Variants in GRK1 observed in about 807,000 individuals in gnomAD.
GRK1 encodes rhodopsin kinase GRK1.
In GRK1, 28 loss-of-function variants were observed where a neutral mutation model predicts 41.7. That is an observed-to-expected ratio of 0.67 (90% CI 0.50 to 0.92). The LOEUF (loss-of-function observed/expected upper bound fraction) is 0.92. Ranked by LOEUF, GRK1 falls within the 40% of genes least tolerant of loss-of-function variation. The pLI, the probability that GRK1 is intolerant of heterozygous loss-of-function variation, is 0.00. For missense variants in GRK1, 703 were observed against 671.2 expected (o/e 1.05, Z -0.52); for synonymous variants, 327 against 286.7 (o/e 1.14, Z -1.42).
Position 113,731,333 on chromosome 13 carries a change from G to A in GRK1, c.1184G>A (p.Arg395His), listed in dbSNP as rs201174276. ...GCGGCCAGAGGACCCTTCCGAGCCC[G>A]TGGAGAGAAGGTAGGAGGCGGCCGG... The part of the protein sequence containing the change: ...MIAARGPFRA[R>H]GEKVENKELK... The change falls in exon 5 of 7, where the codon CGT (arginine) becomes CAT (histidine). Residue 395 changes from arginine to histidine, a missense_variant. Physicochemically the swap from Arg to His is conservative, Grantham distance 29 (BLOSUM62 0). Coordinates refer to ENST00000335678, the MANE Select transcript of GRK1 (RefSeq NM_002929.3). The surrounding 1 kb of genome is among the most constrained non-coding windows in gnomAD (Gnocchi z 5.6). 216 of 1,536,890 alleles carry A rather than the reference G, an allele frequency of 1.4e-4. No individual in the cohort carries two copies. The highest frequency in any genetic ancestry group is 1.2e-3 in the East Asian group (51 of 40,912).
At position 113,735,377 on chromosome 13, in the gene GRK1, G is replaced by A; in HGVS notation, c.*14G>A. ...CTGGTTTCCTAGGTGACGCCCCAGA[G>A]TCCACGTGGAGGAAAAGGACCCATA... On this transcript the variant is annotated 3_prime_UTR_variant, in exon 7 of 7. Transcript: ENST00000335678. 1 of 1,474,864 alleles carries A rather than the reference G, an allele frequency of 6.8e-7. No homozygotes were observed. The allele number at this position is 1,474,864 out of a possible 1,614,324, so 91.4% of individuals were successfully genotyped here. A position where few individuals can be genotyped will look rare whatever the true frequency, so the allele number is the denominator to read the frequency against.
intron 4 of GRK1, among the ~76,000 whole-genome samples, chr13:113,727,637 A>T (rs539760821): frequency 4.8e-4 from 70 of 146,584 alleles, no homozygotes; most frequent in African/African-American, 1.7e-3. Flanking sequence ...CATGGCGATG[A>T]GGAGTACCCA....
intron 6 of GRK1, among the ~76,000 whole-genome samples, chr13:113,734,034 G>C (rs1475304536): frequency 7.2e-6 from 1 of 138,704 alleles, no homozygotes; most frequent in African/African-American, 2.9e-5. Context: ...GTGCGTGTGC[G>C]TATGTGTGTG....
In GRK1 at chr13:113,731,327, G is replaced by C; in HGVS notation, c.1178G>C (p.Arg393Pro). 2 of 1,536,930 alleles carry C rather than the reference G, an allele frequency of 1.3e-6. No individual in the cohort carries two copies. The highest frequency in any genetic ancestry group is 2.4e-5 in the South Asian group (2 of 84,052). ...YEMIAARGPF[R>P]ARGEKVENKE... is the part of the protein sequence containing the mutation. ...ATGATTGCGGCCAGAGGACCCTTCC[G>C]AGCCCGTGGAGAGAAGGTAGGAGGC... Residue 393 changes from arginine (R) to proline (P), a missense_variant, in exon 5 of 7, where the codon CGA becomes CCA. Coordinates refer to ENST00000335678, the MANE Select transcript of GRK1 (RefSeq NM_002929.3). The surrounding 1 kb of genome is among the most constrained non-coding windows in gnomAD (Gnocchi z 5.6).
intron 6 of GRK1, among the ~76,000 whole-genome samples, chr13:113,733,822 CGTGT>C (rs762574846): frequency 1.1e-5 from 1 of 93,628 alleles, no homozygotes; most frequent in Middle Eastern, 0.01. Flanking sequence ...TACGTGTGTG[CGTGT>C]GTGTGCACGT....
At chr13:113,732,078 C>T (rs914519917) in intron 5 of GRK1, among the ~76,000 whole-genome samples, 2 of 152,148 alleles carry the variant, frequency 1.3e-5, no homozygotes, top group Non-Finnish European at 2.9e-5. Context: ...GAAAAGCTGG[C>T]TTTTTCCCTG....
chr13:113,656,369 G>A, the GRK1 span, among the ~76,000 whole-genome samples: 28 of 152,284 alleles, frequency 1.8e-4, no homozygotes, highest in South Asian at 2.1e-3. Flanking sequence ...TGGGCGGTGC[G>A]TGTCTCCCCA....
At chr13:113,651,668 C>T in the GRK1 span, 3 of 1,612,338 alleles carry the variant, frequency 1.9e-6, no homozygotes, top group African/African-American at 1.3e-5. Flanking sequence ...CGGCCGTACT[C>T]ACCAGGAAGG....
chr13:113,732,193 T>G (rs1420754855), intron 5 of GRK1, among the ~76,000 whole-genome samples: 2 of 152,128 alleles, frequency 1.3e-5, no homozygotes, highest in Non-Finnish European at 2.9e-5. Flanking sequence ...CAGGCTGCCT[T>G]GAGGTGCGGC....
chr13:113,654,821 C>T, the GRK1 span: 33 of 1,613,982 alleles, frequency 2.0e-5, no homozygotes, highest in Non-Finnish European at 2.6e-5. Context: ...TACCTGGTGA[C>T]CGTAGCTGGT....
chr13:113,652,269 G>A, the GRK1 span, among the ~76,000 whole-genome samples: 68 of 152,354 alleles, frequency 4.5e-4, no homozygotes, highest in African/African-American at 1.4e-3. Context: ...CCTCCATGCC[G>A]GCAGTGCTGA....
At position 113,731,183 on chromosome 13, in the gene GRK1, G is replaced by T. The variant is rs749443372; in HGVS notation, c.1070-36G>T. 2 of 1,532,568 alleles carry T rather than the reference G, an allele frequency of 1.3e-6. No individual in the cohort carries two copies. The highest frequency in any genetic ancestry group is 2.4e-5 in the South Asian group (2 of 83,722). The allele number at this position is 1,532,568 out of a possible 1,614,324, so 94.9% of individuals were successfully genotyped here. ...TGGAGTGCGTGCCCACCATGGAGGT[G>T]ACCACCTCTGAACCCGCAATGTCCC... On this transcript the variant is annotated intron_variant, in intron 4 of 6. Transcript: ENST00000335678. This position sits in a 1 kb window ranked among gnomAD's most constrained non-coding sequence, Gnocchi z 5.6.
At chr13:113,655,362 G>T in the GRK1 span, among the ~76,000 whole-genome samples, 1 of 152,334 alleles carries the variant, frequency 6.6e-6, no homozygotes, top group East Asian at 1.9e-4. Flanking sequence ...CCTGCCCATG[G>T]TGACCCATAG....
At chr13:113,723,875 T>TGTGCACACACGTGTCC (rs2049873276) in intron 4 of GRK1, among the ~76,000 whole-genome samples, 1 of 148,140 alleles carries the variant, frequency 6.8e-6, no homozygotes, top group Non-Finnish European at 1.5e-5. Flanking sequence ...TGCCCGTGTC[T>TGTGCACACACGTGTCC]GTGCACACAC....
At position 113,723,262 on chromosome 13, in the gene GRK1, A is replaced by G. The variant is rs146158207; in HGVS notation, c.1069+105A>G. The G allele has an allele frequency of 2.5e-3, 1,431 of 567,706 alleles. 15 individuals carry two copies. The highest frequency in any genetic ancestry group is 0.021 in the African/African-American group (1,105 of 53,668). 35.2% of individuals were successfully genotyped at this position (567,706 alleles called of 1,614,324 possible). A position where few individuals can be genotyped will look rare whatever the true frequency, so the allele number is the denominator to read the frequency against. On this transcript the variant is annotated intron_variant, in intron 4 of 6. Coordinates refer to ENST00000335678, the MANE Select transcript of GRK1 (RefSeq NM_002929.3). ...CACATACATGTGAGTTTGTGTATATAGGTGTGTCTGTGTGCACATGGGCGT... is the reference window on the plus strand; with the variant it reads ...CACATACATGTGAGTTTGTGTATATGGGTGTGTCTGTGTGCACATGGGCGT...
the GRK1 span, among the ~76,000 whole-genome samples, chr13:113,655,211 G>A: frequency 2.6e-5 from 4 of 152,324 alleles, no homozygotes; most frequent in African/African-American, 7.2e-5. Context: ...GTTGCACCCA[G>A]CTGCCTTCAC....
intron 4 of GRK1, 89 bp downstream of exon 4, chr13:113,723,246 G>C (rs925824634): frequency 1.9e-5 from 12 of 621,336 alleles, no homozygotes; most frequent in Non-Finnish European, 3.6e-5. Context: ...GCACATACAT[G>C]TGAGTTTGTG....
At chr13:113,724,198 T>C (rs1434752391) in intron 4 of GRK1, among the ~76,000 whole-genome samples, 3 of 152,188 alleles carry the variant, frequency 2.0e-5, no homozygotes, top group Admixed American at 2.0e-4. Context: ...GCCTGTGTGC[T>C]TTACTTAACC....
intron 6 of GRK1, among the ~76,000 whole-genome samples, chr13:113,733,789 GTGTGTATGTGTATCTGTGTGCATA>G (rs2049967739): frequency 1.4e-5 from 2 of 138,442 alleles, no homozygotes; most frequent in Admixed American, 6.9e-5. Context: ...GTGTGTGCAT[GTGTGTATGTGTATCTGTGTGCATA>G]CGTGTGTGCG....
Sources: allele counts gnomAD v4.1 joint callset (sites outside exome capture counted in the v4.1 genomes callset), GRCh38; gene constraint gnomAD v4.1.1; non-coding constraint Gnocchi (gnomAD v3.1); transcripts MANE v1.5; gene names NCBI Gene and HGNC (gene_info 2026-07-23, HGNC 2026-07-21).